The following PRSS23 variants were observed in gnomAD, a reference collection of about 807,000 sequenced individuals.
PRSS23 encodes the protein serine protease 23, also known as protease, serine 23.
Under a neutral mutation model 34.7 loss-of-function variants are expected in PRSS23, and 25 were observed. The ratio of observed to expected loss-of-function variants is 0.72; its 90% CI spans 0.53 to 1.01. The LOEUF is 1.01. Among genes scored for constraint, PRSS23 ranks in the 50% least tolerant of loss-of-function variants. The pLI is 0.00. For missense variants in PRSS23, 445 were observed against 475.6 expected, an observed-to-expected ratio of 0.94 and a Z score of 0.60; for synonymous variants, 176 against 186.6, an observed-to-expected ratio of 0.94 and a Z score of 0.46.
intron 2 of PRSS23, among the ~76,000 whole-genome samples, chr11:86,882,379 C>T (rs1448013633): frequency 6.6e-6 from 1 of 152,118 alleles, no homozygotes; most frequent in African/African-American, 2.4e-5. Flanking sequence ...TTCTGACAGG[C>T]CCCAGTGTGT....
At chr11:86,891,825 T>C (rs1306240874) in intron 2 of PRSS23, among the ~76,000 whole-genome samples, 4 of 152,130 alleles carry the variant, frequency 2.6e-5, no homozygotes, top group Non-Finnish European at 4.4e-5. Flanking sequence ...GTTTTCTAAG[T>C]GTTTGGTAGT....
At chr11:86,860,747 T>C (rs1022299076) in intron 2 of PRSS23, among the ~76,000 whole-genome samples, 1 of 151,854 alleles carries the variant, frequency 6.6e-6, no homozygotes, top group South Asian at 2.1e-4. Flanking sequence ...TTGACCCCCC[T>C]TGTGATATTG....
chr11:86,794,571 G>A (rs1272322776), intron 1 of PRSS23, among the ~76,000 whole-genome samples: 1 of 151,902 alleles, frequency 6.6e-6, no homozygotes, highest in Non-Finnish European at 1.5e-5. Flanking sequence ...CAATAATTTT[G>A]TATGTTAAGC....
At chr11:86,861,425 G>C (rs1033547275) in intron 2 of PRSS23, among the ~76,000 whole-genome samples, 4 of 151,848 alleles carry the variant, frequency 2.6e-5, no homozygotes, top group African/African-American at 9.7e-5. Flanking sequence ...ATATCGCAGG[G>C]GGTGTGCACC....
intron 2 of PRSS23, among the ~76,000 whole-genome samples, chr11:86,838,443 C>G (rs990640437): frequency 2.0e-5 from 3 of 152,108 alleles, no homozygotes; most frequent in African/African-American, 7.2e-5. Context: ...GCTTGAGTAG[C>G]TCACAGTGTA....
chr11:86,857,205 T>A (rs552413010), intron 2 of PRSS23: 1 of 317,844 alleles, frequency 3.1e-6, no homozygotes, highest in East Asian at 8.9e-5. Context: ...TCCTGGGAGA[T>A]GATGACACAG....
intron 2 of PRSS23, among the ~76,000 whole-genome samples, chr11:86,848,633 T>C (rs956770383): frequency 6.6e-6 from 1 of 152,120 alleles, no homozygotes. Context: ...CAACTTATTC[T>C]AAAGGATAAA....
chr11:86,811,858 T>C (rs1948181188), downstream of PRSS23, among the ~76,000 whole-genome samples: 1 of 152,174 alleles, frequency 6.6e-6, no homozygotes, highest in African/African-American at 2.4e-5. Flanking sequence ...GTCTGCTAAC[T>C]GAAGGGTAAA....
intron 2 of PRSS23, among the ~76,000 whole-genome samples, chr11:86,900,614 C>T (rs1317195575): frequency 6.6e-6 from 1 of 152,046 alleles, no homozygotes; most frequent in Non-Finnish European, 1.5e-5. Context: ...TCTTCCCCAC[C>T]ATGACTATGT....
chr11:86,843,874 G>T (rs1467492859), intron 2 of PRSS23, among the ~76,000 whole-genome samples: 1 of 152,158 alleles, frequency 6.6e-6, no homozygotes, highest in Non-Finnish European at 1.5e-5. Context: ...CAAGTATCTA[G>T]AACTAGAAAT....
At chr11:86,848,334 A>T (rs1456945843) in intron 2 of PRSS23, among the ~76,000 whole-genome samples, 1 of 152,226 alleles carries the variant, frequency 6.6e-6, no homozygotes, top group Non-Finnish European at 1.5e-5. Flanking sequence ...CAGGTAAACA[A>T]TCCATTGAAT....
intron 2 of PRSS23, among the ~76,000 whole-genome samples, chr11:86,920,017 C>T (rs990620122): frequency 7.2e-5 from 11 of 152,274 alleles, no homozygotes; most frequent in Admixed American, 6.5e-4. Flanking sequence ...CAGACGCCAG[C>T]GTGAAGGCCT....
At position 86,810,066 on chromosome 11, in the gene PRSS23, GA is replaced by G. The variant is rs1251889162; in HGVS notation, c.*1273del. On this transcript the variant is annotated 3_prime_UTR_variant, in exon 2 of 2. Transcript: ENST00000280258. ...ATAATAGCAAAAATGAAAATTGGAA[GA>G]ATGCAAAATGGATCAGAATCATGCC... 1.2e-5 allele frequency: 2 copies of G among 166,320 alleles called. No homozygotes were observed. Among genetic ancestry groups the G allele is most frequent in the Non-Finnish European group, 2.9e-5 (2 of 68,106 alleles). The allele number at this position is 166,320 out of a possible 1,614,324, so 10.3% of individuals were successfully genotyped here. A position where few individuals can be genotyped will look rare whatever the true frequency, so the allele number is the denominator to read the frequency against.
At chr11:86,846,016 A>G (rs927877564) in intron 2 of PRSS23, among the ~76,000 whole-genome samples, 4 of 152,208 alleles carry the variant, frequency 2.6e-5, no homozygotes, top group Non-Finnish European at 5.9e-5. Context: ...ATCTGGTAAC[A>G]TCTTCCCACC....
At chr11:86,915,031 A>G (rs1467040703) in intron 2 of PRSS23, among the ~76,000 whole-genome samples, 1 of 152,188 alleles carries the variant, frequency 6.6e-6, no homozygotes, top group Non-Finnish European at 1.5e-5. Flanking sequence ...GGAACAGCTG[A>G]GAAGGAAGGA....
chr11:86,827,136 G>A (rs555958487), intron 2 of PRSS23, among the ~76,000 whole-genome samples: 9 of 152,286 alleles, frequency 5.9e-5, no homozygotes, highest in South Asian at 4.1e-4. Flanking sequence ...ACTCATTTTC[G>A]TTGGTAAGCT....
chr11:86,928,695 A>ATATATATATAT (rs1157319531), intron 2 of PRSS23, among the ~76,000 whole-genome samples: 2 of 44,182 alleles, frequency 4.5e-5, no homozygotes, highest in Admixed American at 2.8e-4. Flanking sequence ...AAAAAAAAAA[A>ATATATATATAT]AAAAAAAAAA....
At position 86,806,458 on chromosome 11, in the gene PRSS23, C is replaced by T. The variant is rs536828165; in HGVS notation, c.-13-1173C>T. ...GAATGACCGAAGCATCAAGGAGGGA[C>T]AGCTCCACGGTGTCACCTTTACTAG... is the stretch of plus-strand genomic sequence containing the variant. On this transcript the variant is annotated intron_variant, in intron 1 of 1. Transcript: ENST00000280258. Among the ~76,000 whole-genome samples the T allele has an allele frequency of 9.2e-5, 14 of 152,338 alleles. No homozygotes were observed. In the South Asian group the frequency reaches 2.5e-3, roughly 27 times the overall value.
At chr11:86,863,038 G>A (rs1011684442) in intron 2 of PRSS23, among the ~76,000 whole-genome samples, 1 of 151,938 alleles carries the variant, frequency 6.6e-6, no homozygotes, top group Non-Finnish European at 1.5e-5. Context: ...ATCACTGTGG[G>A]AGCACATCCT....
Sources: allele counts gnomAD v4.1 joint callset (sites outside exome capture counted in the v4.1 genomes callset), GRCh38; gene constraint gnomAD v4.1.1; transcripts MANE v1.5; gene names NCBI Gene and HGNC (gene_info 2026-07-23, HGNC 2026-07-21).